STAU1: variants seen among roughly 807,000 people sequenced by gnomAD.
STAU1 encodes the protein double-stranded RNA-binding protein Staufen homolog 1.
In STAU1, 13 loss-of-function variants were observed where a neutral mutation model predicts 62.9. The ratio of observed to expected loss-of-function variants is 0.21; its 90% CI spans 0.13 to 0.33. The LOEUF (loss-of-function observed/expected upper bound fraction) is 0.33, where lower values mean the gene tolerates loss of function less well. Among genes scored for constraint, STAU1 ranks in the 10% least tolerant of loss-of-function variants. The probability of loss-of-function intolerance (pLI) is 1.00; values close to 1 mark genes in which losing one functional copy is unlikely to be tolerated. For missense variants in STAU1, 571 were observed against 712.1 expected, an observed-to-expected ratio of 0.80 and a Z score of 2.25; for synonymous variants, 269 against 265.1, an observed-to-expected ratio of 1.01 and a Z score of -0.14.
At chr20:49,139,726 CAA>C (rs879507916) in intron 5 of STAU1, among the ~76,000 whole-genome samples, 1 of 123,846 alleles carries the variant, frequency 8.1e-6, no homozygotes, top group Non-Finnish European at 1.7e-5. Context: ...AACTCTGTTT[CAA>C]AAAAAAAAAA....
chr20:49,211,760 A>G, the STAU1 span, among the ~76,000 whole-genome samples: 1 of 152,056 alleles, frequency 6.6e-6, no homozygotes, highest in Admixed American at 6.6e-5. Flanking sequence ...AGCCCACCTC[A>G]GCCTCCCAAA....
At chr20:49,146,588 G>A (rs2093136790) in intron 5 of STAU1, among the ~76,000 whole-genome samples, 1 of 151,704 alleles carries the variant, frequency 6.6e-6, no homozygotes, top group Non-Finnish European at 1.5e-5. Flanking sequence ...TATAGTCCCA[G>A]CTACTTAGGA....
At chr20:49,143,504 G>A (rs2093054719) in intron 5 of STAU1, among the ~76,000 whole-genome samples, 1 of 152,170 alleles carries the variant, frequency 6.6e-6, no homozygotes, top group Non-Finnish European at 1.5e-5. Flanking sequence ...GAGATGGGAA[G>A]ATCACTTGAG....
At position 49,117,720 on chromosome 20, in the gene STAU1, A is replaced by G; in HGVS notation, c.1509+57T>C. 6.6e-7 allele frequency: 1 copy of G among 1,508,208 alleles called. No individual in the cohort carries two copies. Among genetic ancestry groups the G allele is most frequent in the South Asian group, 1.3e-5 (1 of 77,354 alleles). 93.4% of individuals were successfully genotyped at this position (1,508,208 alleles called of 1,614,324 possible). On this transcript the variant is annotated intron_variant, in intron 11 of 13. Transcript: ENST00000371856. The surrounding 1 kb of genome is among the most constrained non-coding windows in gnomAD (Gnocchi z 4.6). ...AAGTTCAAAGTTCATTTTCTGAGAG[A>G]AGCCAAAAGATGACTGTCCTGAGGC...
intron 5 of STAU1, among the ~76,000 whole-genome samples, chr20:49,146,364 A>G (rs921511555): frequency 6.6e-6 from 1 of 152,200 alleles, no homozygotes; most frequent in Non-Finnish European, 1.5e-5. Flanking sequence ...CAAAACCAGA[A>G]AGAGCTGCAT....
In STAU1 at chr20:49,117,981, G is replaced by T. The variant is rs763629182; in HGVS notation, c.1305C>A (p.His435Gln). ...AQAVGVSQGH[H>Q]TKDFTRAAPN... Reference sequence around the variant, plus strand: ...GAGCTGCCCTGGTAAAATCTTTGGTGTGATGTCCTTGACTAACTCCTACAG... The same window carrying T: ...GAGCTGCCCTGGTAAAATCTTTGGTTTGATGTCCTTGACTAACTCCTACAG... The change falls in exon 11 of 14, where the codon CAC (histidine) becomes CAA (glutamine). Residue 435 changes from histidine to glutamine, a missense_variant. Around this residue, in one of 3 missense-constraint regions of STAU1, gnomAD observed 156 missense variants for 194.7 expected, o/e 0.80. Coordinates refer to ENST00000371856, the MANE Select transcript of STAU1 (RefSeq NM_017453.4). The surrounding 1 kb of genome is among the most constrained non-coding windows in gnomAD (Gnocchi z 4.6). The T allele has an allele frequency of 1.9e-6, 3 of 1,614,198 alleles. No homozygotes were observed. The highest frequency in any genetic ancestry group is 2.5e-6 in the Non-Finnish European group (3 of 1,180,034).
rs560260616 is a variant in STAU1 at position 49,177,819 on chromosome 20, G to A, written c.-159-3550C>T. On this transcript the variant is annotated intron_variant, in intron 1 of 13. Transcript: ENST00000371856. ...AGCAAAGAAAGAAGAGAGAGAGAGA[G>A]GGGAGAAATACAGCAGTCATTTGGA... is the stretch of plus-strand genomic sequence containing the variant. Among the ~76,000 whole-genome samples the A allele has an allele frequency of 1.3e-3, 198 of 152,080 alleles. 1 individual carries two copies. The highest frequency in any genetic ancestry group is 0.01 in the Middle Eastern group (3 of 294).
chr20:49,123,394 C>T (rs1216555035), intron 7 of STAU1, among the ~76,000 whole-genome samples, 159 bp from the exon 8 acceptor site: 2 of 152,046 alleles, frequency 1.3e-5, no homozygotes, highest in Non-Finnish European at 2.9e-5. Flanking sequence ...TGAAAAGATG[C>T]TTTATTTTTT....
Position 49,180,323 on chromosome 20 carries a change from T to C in STAU1, c.-159-6054A>G, listed in dbSNP as rs76461149. ...GCAACAACCTGGACTACAGTTCTTT[T>C]TTTTTTTTTCCCCCCCTGGATACAG... On this transcript the variant is annotated intron_variant, in intron 1 of 13. Transcript: ENST00000371856. Among the ~76,000 whole-genome samples, 666 of 79,570 alleles carry C rather than the reference T, an allele frequency of 8.4e-3. 6 individuals are homozygous for C. The highest frequency in any genetic ancestry group is 0.039 in the African/African-American group (627 of 15,980). The allele number at this position is 79,570 out of a possible 152,430, so 52.2% of individuals were successfully genotyped here. A position where few individuals can be genotyped will look rare whatever the true frequency, so the allele number is the denominator to read the frequency against.
intron 7 of STAU1, 89 bp downstream of exon 7, chr20:49,124,286 T>C (rs1008983731): frequency 3.5e-6 from 5 of 1,409,494 alleles, no homozygotes; most frequent in Admixed American, 1.9e-5. Context: ...TCTCATCCCC[T>C]TTCACCTTGG....
At chr20:49,159,160 AAC>A in intron 3 of STAU1, 4 of 1,083,460 alleles carry the variant, frequency 3.7e-6, no homozygotes, top group Non-Finnish European at 4.5e-6. Context: ...AAAAAAAAAA[AAC>A]ACACAAAGTT....
Position 49,172,562 on chromosome 20 carries a change from A to G in STAU1, c.-85+1633T>C, listed in dbSNP as rs897399373. On this transcript the variant is annotated intron_variant, in intron 2 of 13. Coordinates refer to ENST00000371856, the MANE Select transcript of STAU1 (RefSeq NM_017453.4). ...TAATGGTTAACAGGCTTTTCCTTTC[A>G]GAAAAGGGAAACTGTAATCTGTAAC... Among the ~76,000 whole-genome samples the G allele has an allele frequency of 2.0e-5, 3 of 152,330 alleles. No homozygotes were observed. In the East Asian group the frequency reaches 5.8e-4, roughly 29 times the overall value.
chr20:49,212,522 G>T, the STAU1 span, among the ~76,000 whole-genome samples: 4 of 148,756 alleles, frequency 2.7e-5, no homozygotes, highest in East Asian at 2.0e-4. Flanking sequence ...TCCTTTCTCT[G>T]TTTTTTCATT....
In STAU1 at chr20:49,125,071, T is replaced by TAA. The variant is rs11473077; in HGVS notation, c.610-486_610-485dup. Among the ~76,000 whole-genome samples, 292 of 83,830 alleles carry TAA rather than the reference T, an allele frequency of 3.5e-3. 13 individuals carry two copies. The highest frequency in any genetic ancestry group is 0.013 in the Middle Eastern group (1 of 78). The allele number at this position is 83,830 out of a possible 152,430, so 55.0% of individuals were successfully genotyped here. ...AGAGGGATTCCCCGCACACATTAAG[T>TAA]AAAAAAAAAAAAAAAAAAAACCCAC... On this transcript the variant is annotated intron_variant, in intron 6 of 13. Coordinates refer to ENST00000371856, the MANE Select transcript of STAU1 (RefSeq NM_017453.4).
At chr20:49,156,001 G>A (rs2146283783) in intron 3 of STAU1, among the ~76,000 whole-genome samples, 1 of 152,282 alleles carries the variant, frequency 6.6e-6, no homozygotes, top group South Asian at 2.1e-4. Context: ...CCCTTCACCA[G>A]CCATGCCTTC....
chr20:49,164,760 G>A (rs559641576), intron 3 of STAU1, among the ~76,000 whole-genome samples: 66 of 152,012 alleles, frequency 4.3e-4, no homozygotes, highest in Middle Eastern at 3.4e-3. Flanking sequence ...TAGAGACCCC[G>A]TGAAACAAAC....
At chr20:49,202,230 A>G in the STAU1 span, among the ~76,000 whole-genome samples, 26 of 130,368 alleles carry the variant, frequency 2.0e-4, no homozygotes, top group African/African-American at 4.6e-4. Flanking sequence ...AAAAAAAAAA[A>G]AAAGAAAGAA....
chr20:49,124,341 T>G lies in STAU1; in HGVS notation c.822+34A>C, dbSNP rs746707994. 2.5e-6 allele frequency: 4 copies of G among 1,607,480 alleles called. No individual in the cohort carries two copies. In the East Asian group the frequency reaches 8.9e-5, roughly 36 times the overall value. On this transcript the variant is annotated intron_variant, in intron 7 of 13. Transcript: ENST00000371856. ...AAACCCCCCACCCATCTATAAGTAA[T>G]GAAAACACCTTCTGTGTTCAGAAAA...
chr20:49,158,393 C>T, intron 3 of STAU1: 1 of 1,256,024 alleles, frequency 8.0e-7, no homozygotes, highest in Non-Finnish European at 1.1e-6. Context: ...TTCAGTATGT[C>T]TAGGTCATTT....
Sources: gnomAD v4.1 joint callset for allele counts (sites outside exome capture counted in the v4.1 genomes callset) on GRCh38, gnomAD v4.1.1 for gene constraint, gnomAD v4.1.1 regional missense constraint, Gnocchi (gnomAD v3.1) non-coding constraint, MANE v1.5 for transcripts, NCBI Gene and HGNC (gene_info 2026-07-23, HGNC 2026-07-21) for gene names.